The following DND1 variants were observed in gnomAD, a reference collection of about 807,000 sequenced individuals.
The protein encoded by DND1 is DND microRNA-mediated repression inhibitor 1.
In DND1, 6 loss-of-function variants were observed where a neutral mutation model predicts 30.4. That is an observed-to-expected ratio of 0.20 (90% CI 0.11 to 0.39). The LOEUF (loss-of-function observed/expected upper bound fraction) is 0.39. DND1 is among the 10% of genes least tolerant of loss of function. The pLI is 1.00. For missense variants in DND1, 358 were observed against 474.9 expected (o/e 0.75, Z 2.29); for synonymous variants, 178 against 210.4 (o/e 0.85, Z 1.33).
chr5:140,671,260 C>A lies in DND1; in HGVS notation c.*33G>T, dbSNP rs1295569000. On this transcript the variant is annotated 3_prime_UTR_variant, in exon 4 of 4. Coordinates refer to ENST00000542735, the MANE Select transcript of DND1 (RefSeq NM_194249.3). ...TGGGGCCTGACACAGGCTCTGCATG[C>A]CCATTCAGGGTGCCTGTGGAGAAAG... 3 of 1,611,218 alleles carry A rather than the reference C, an allele frequency of 1.9e-6. No individual in the cohort carries two copies. Among genetic ancestry groups the A allele is most frequent in the Non-Finnish European group, 2.5e-6 (3 of 1,179,074 alleles).
At chr5:140,673,130 G>T (rs1758138785) in intron 2 of DND1, 141 bp downstream of exon 2, 2 of 1,079,254 alleles carry the variant, frequency 1.9e-6, no homozygotes, top group African/African-American at 1.5e-5. Context: ...GGGGCGGGTG[G>T]ACGTGGAGCC....
At chr5:140,672,099 A>G in intron 3 of DND1, 1 of 543,476 alleles carries the variant, frequency 1.8e-6, no homozygotes, top group South Asian at 2.1e-5. Flanking sequence ...TAACAGTCTG[A>G]GGAAACAGAT....
At chr5:140,673,159 G>T in intron 2 of DND1, 112 bp downstream of exon 2, 1 of 1,252,676 alleles carries the variant, frequency 8.0e-7, no homozygotes. Context: ...TCCTTTGCTG[G>T]GGGGTATAAA....
At position 140,673,354 on chromosome 5, in the gene DND1, G is replaced by A; in HGVS notation, c.59C>T (p.Ala20Val). ...CTCCCTGACCCACGCCTCCAGCGCC[G>A]CCTTGTTCTCTGGATTCACCCTCTC... is the stretch of plus-strand genomic sequence containing the variant. ...WCERVNPENKAALEAWVRETG... is the reference protein window; with the variant it reads ...WCERVNPENKVALEAWVRETG... Residue 20 changes from alanine to valine, a missense_variant, in exon 2 of 4, where the codon GCG becomes GTG. By Grantham distance (64) the Ala-to-Val change is moderately conservative. Transcript: ENST00000542735. The A allele has an allele frequency of 1.2e-6, 2 of 1,614,124 alleles. No individual in the cohort carries two copies. The highest frequency in any genetic ancestry group is 1.1e-5 in the South Asian group (1 of 91,086).
chr5:140,672,121 A>G (rs1376742326), intron 3 of DND1: 2 of 545,350 alleles, frequency 3.7e-6, no homozygotes, highest in Non-Finnish European at 6.6e-6. Flanking sequence ...CTATAGTAGT[A>G]AAAAGCTCAG....
intron 2 of DND1, 110 bp downstream of exon 2, chr5:140,673,161 G>T: frequency 7.9e-7 from 1 of 1,259,512 alleles, no homozygotes; most frequent in Non-Finnish European, 1.1e-6. Flanking sequence ...CTTTGCTGGG[G>T]GGTATAAATC....
At chr5:140,672,113 A>ATAG in intron 3 of DND1, 1 of 539,582 alleles carries the variant, frequency 1.9e-6, no homozygotes, top group African/African-American at 1.9e-5. Context: ...AACAGATTCT[A>ATAG]TAGTAGTAAA....
Position 140,672,616 on chromosome 5 carries a change from G to T in DND1, c.433C>A (p.Leu145Met). The T allele has an allele frequency of 6.4e-7, 1 of 1,566,840 alleles. No individual in the cohort carries two copies. Among genetic ancestry groups the T allele is most frequent in the East Asian group, 2.3e-5 (1 of 42,694 alleles). Residue 145 changes from leucine to methionine, a missense_variant, in exon 3 of 4, where the codon CTG (leucine) becomes ATG (methionine). Coordinates refer to ENST00000542735, the MANE Select transcript of DND1 (RefSeq NM_194249.3). ...GCGCTGCGGGTCAGATTCGGCGGCA[G>T]GCCGTCAACGCTCAGCTCACACTTC... The part of the protein sequence containing the change: ...TEKCELSVDG[L>M]PPNLTRSALL...
In DND1 at chr5:140,671,638, C is replaced by T; in HGVS notation, c.717G>A (p.Glu239=). The T allele has an allele frequency of 6.3e-7, 1 of 1,577,972 alleles. No individual in the cohort carries two copies. The highest frequency in any genetic ancestry group is 2.3e-5 in the East Asian group (1 of 43,336). The change falls in exon 4 of 4, where the codon GAG becomes GAA. Residue 239 remains glutamate (E), a synonymous_variant. Coordinates refer to ENST00000542735, the MANE Select transcript of DND1 (RefSeq NM_194249.3). The part of the protein sequence containing the change: ...VGPFLRSPQP[E]GSQLALARDK... Reference sequence around the variant, plus strand: ...CCCTTGCCAAAGCCAACTGGCTGCCCTCTGGCTGTGGGGACCGCAAGAAGG... The same window carrying T: ...CCCTTGCCAAAGCCAACTGGCTGCCTTCTGGCTGTGGGGACCGCAAGAAGG...
At position 140,672,037 on chromosome 5, in the gene DND1, AAGTC is replaced by A. The variant is rs570489655; in HGVS notation, c.605-291_605-288del. 4,762 of 572,884 alleles carry A rather than the reference AAGTC, an allele frequency of 8.3e-3. 31 individuals carry two copies. Among genetic ancestry groups the A allele is most frequent in the Non-Finnish European group, 0.011 (3,660 of 320,790 alleles). 35.5% of individuals were successfully genotyped at this position (572,884 alleles called of 1,614,324 possible). A position where few individuals can be genotyped will look rare whatever the true frequency, so the allele number is the denominator to read the frequency against. On this transcript the variant is annotated intron_variant, in intron 3 of 3. Coordinates refer to ENST00000542735, the MANE Select transcript of DND1 (RefSeq NM_194249.3). ...AATCTTTACTGGGAAAACTTGCTGT[AAGTC>A]AGTCAGTGTGCTAAGTACCGTACAC...
chr5:140,673,228 G>T, intron 2 of DND1, 43 bp downstream of exon 2: 13 of 1,601,752 alleles, frequency 8.1e-6, no homozygotes, highest in Non-Finnish European at 1.0e-5. Context: ...CCCCAAAGGG[G>T]GCTGGTGTAG....
chr5:140,673,158 G>C, intron 2 of DND1, 113 bp downstream of exon 2: 1 of 1,238,398 alleles, frequency 8.1e-7, no homozygotes, highest in Non-Finnish European at 1.2e-6. Context: ...CTCCTTTGCT[G>C]GGGGGTATAA....
Position 140,673,407 on chromosome 5 carries a change from T to C in DND1, c.25-19A>G, listed in dbSNP as rs571440734. ...ACCACAGCTGAGAGGGAAAGGAAGG[T>C]TGGAATGGCGGATCGCCAAGCGCGC... On this transcript the variant is annotated intron_variant, in intron 1 of 3. Coordinates refer to ENST00000542735, the MANE Select transcript of DND1 (RefSeq NM_194249.3). 787 of 1,614,040 alleles carry C rather than the reference T, an allele frequency of 4.9e-4. 11 individuals carry two copies. In the South Asian group the frequency reaches 8.0e-3, roughly 17 times the overall value.
Position 140,673,266 on chromosome 5 carries a change from C to A in DND1, c.142+5G>T, listed in dbSNP as rs199564657. 1.9e-6 allele frequency: 3 copies of A among 1,613,188 alleles called. No individual in the cohort carries two copies. Among genetic ancestry groups the A allele is most frequent in the African/African-American group, 2.7e-5 (2 of 75,014 alleles). ...GGACAGGCGGAGGGGCTGGGACTAC[C>A]GTACCTGGGGGTGGCCCGCCATACT... On this transcript the variant is annotated splice_donor_5th_base_variant and intron_variant, in intron 2 of 3. Transcript: ENST00000542735.
Position 140,671,395 on chromosome 5 carries a change from G to A in DND1, c.960C>T (p.Ala320=). ...GCAGCCGTACAGACACAGCATCCTT[G>A]GCCACCTCATGCCCATCCCGGCCAT... ...TLDGRDGHEV[A]KDAVSVRLLQ... is the part of the protein sequence containing the mutation. The change falls in exon 4 of 4, where the codon GCC becomes GCT. Residue 320 remains alanine (A), a synonymous_variant. Transcript: ENST00000542735. The A allele has an allele frequency of 6.2e-7, 1 of 1,612,520 alleles. No individual in the cohort carries two copies. The highest frequency in any genetic ancestry group is 1.1e-5 in the South Asian group (1 of 91,040).
At chr5:140,672,929 G>T in intron 2 of DND1, 23 bp from the exon 3 acceptor site, 1 of 1,536,126 alleles carries the variant, frequency 6.5e-7, no homozygotes. Flanking sequence ...GGTATGCAAG[G>T]CCACCGTCAG....
rs370271469 is a variant in DND1, at chr5:140,672,439, G to A, written c.604+6C>T. 6.3e-6 allele frequency: 10 copies of A among 1,596,294 alleles called. No homozygotes were observed. Among genetic ancestry groups the A allele is most frequent in the Non-Finnish European group, 8.5e-6 (10 of 1,173,084 alleles). On this transcript the variant is annotated splice_donor_region_variant and intron_variant, in intron 3 of 3. Transcript: ENST00000542735. The stretch of plus-strand genomic sequence containing the variant: ...GGCCCCAACCAGCACCCCCGCCCCA[G>A]CCTACCTTCCACCAGGGCCTTTTTG...
rs779330167 is a variant in DND1, at chr5:140,671,321, G to A, written c.1034C>T (p.Ala345Val). ...SGANLLWSAG[A>V]EAGTMVKQ ...CTGTTTAACCATGGTACCTGCCTCA[G>A]CCCCAGCAGACCACAGGAGGTTGGC... The change falls in exon 4 of 4, where the codon GCT becomes GTT. Residue 345 changes from alanine (A) to valine (V), a missense_variant. Ala to Val is a moderately conservative substitution (Grantham distance 64). Coordinates refer to ENST00000542735, the MANE Select transcript of DND1 (RefSeq NM_194249.3). 5.9e-5 allele frequency: 95 copies of A among 1,612,802 alleles called. No homozygotes were observed. Among genetic ancestry groups the A allele is most frequent in the Non-Finnish European group, 7.6e-5 (90 of 1,179,984 alleles).
At chr5:140,673,217 C>T (rs1758141601) in intron 2 of DND1, 54 bp downstream of exon 2, 1 of 1,584,986 alleles carries the variant, frequency 6.3e-7, no homozygotes, top group South Asian at 1.1e-5. Context: ...AGCAGCCCCT[C>T]CCCCAAAGGG....
Sources: allele counts gnomAD v4.1 joint callset, GRCh38; gene constraint gnomAD v4.1.1; transcripts MANE v1.5; gene names NCBI Gene and HGNC (gene_info 2026-07-23, HGNC 2026-07-21).